The following ATXN8OS variants were observed in gnomAD, a reference collection of about 807,000 sequenced individuals.
ATXN8OS encodes the protein ATXN8 opposite strand (non-protein coding).
chr13:70,146,870 T>C (rs9572384), intron 3 of ATXN8OS, among the ~76,000 whole-genome samples: 11,092 of 152,190 alleles, frequency 0.073, 529 homozygotes, highest in East Asian at 0.18. Context: ...CATATGTAAC[T>C]AACGTGCACA....
At chr13:70,157,833 G>T (rs2137502938) in intron 4 of ATXN8OS, among the ~76,000 whole-genome samples, 1 of 152,238 alleles carries the variant, frequency 6.6e-6, no homozygotes, top group Non-Finnish European at 1.5e-5. Context: ...GATCCTGAAA[G>T]AAAGCCTACA....
At chr13:70,139,439 A>G in intron 3 of ATXN8OS, 5 of 675,050 alleles carry the variant, frequency 7.4e-6, no homozygotes, top group Non-Finnish European at 1.2e-5. Flanking sequence ...CATTTTTTAA[A>G]AATATATTAT....
chr13:70,128,310 C>T (rs1318408876), intron 2 of ATXN8OS, among the ~76,000 whole-genome samples: 1 of 152,074 alleles, frequency 6.6e-6, no homozygotes, highest in Admixed American at 6.5e-5. Flanking sequence ...TTCTTTTTAA[C>T]ACAGTTGGAT....
exon 5 of ATXN8OS, among the ~76,000 whole-genome samples, chr13:70,170,191 C>A (rs547326542): frequency 2.6e-4 from 40 of 151,988 alleles, no homozygotes; most frequent in Non-Finnish European, 8.8e-5. Flanking sequence ...CCTCTTTGGC[C>A]ATTTATCCTT....
At chr13:70,118,702 TA>T (rs1888316891) in intron 2 of ATXN8OS, among the ~76,000 whole-genome samples, 1 of 152,154 alleles carries the variant, frequency 6.6e-6, no homozygotes, top group South Asian at 2.1e-4. Flanking sequence ...ATTTGTATTA[TA>T]AAATAGACTT....
At chr13:70,131,596 C>T (rs1435480047) in intron 3 of ATXN8OS, 1 of 397,592 alleles carries the variant, frequency 2.5e-6, no homozygotes. Context: ...TTACCACTTC[C>T]CTCAGTTCAG....
At chr13:70,166,181 G>T (rs1435516983) in intron 4 of ATXN8OS, among the ~76,000 whole-genome samples, 1 of 151,828 alleles carries the variant, frequency 6.6e-6, no homozygotes, top group African/African-American at 2.4e-5. Flanking sequence ...AGTTCATATG[G>T]AACCAAAAAA....
chr13:70,119,181 C>CT (rs985632842), intron 2 of ATXN8OS, among the ~76,000 whole-genome samples: 2 of 151,992 alleles, frequency 1.3e-5, no homozygotes, highest in African/African-American at 4.8e-5. Flanking sequence ...ATACATACAG[C>CT]TTATGCATCA....
chr13:70,143,432 T>C (rs1457068577), intron 3 of ATXN8OS, among the ~76,000 whole-genome samples: 3 of 152,238 alleles, frequency 2.0e-5, no homozygotes, highest in South Asian at 2.1e-4. Context: ...TAGTTCCTTA[T>C]TATAAACCGA....
At chr13:70,126,735 G>T (rs1202832883) in intron 2 of ATXN8OS, among the ~76,000 whole-genome samples, 1 of 151,166 alleles carries the variant, frequency 6.6e-6, no homozygotes, top group Admixed American at 6.6e-5. Flanking sequence ...TCTATAAATA[G>T]ACATCTATAA....
exon 5 of ATXN8OS, among the ~76,000 whole-genome samples, chr13:70,171,652 C>G (rs930526400): frequency 1.3e-5 from 2 of 151,992 alleles, no homozygotes; most frequent in African/African-American, 4.8e-5. Context: ...GTGATGTGAA[C>G]GATGACTGTA....
intron 2 of ATXN8OS, among the ~76,000 whole-genome samples, chr13:70,120,894 G>A (rs552828705): frequency 6.7e-6 from 1 of 150,340 alleles, no homozygotes; most frequent in South Asian, 2.2e-4. Context: ...ACGCAGGAAG[G>A]GGAACATCAC....
chr13:70,167,467 A>T (rs1889089577), intron 4 of ATXN8OS, among the ~76,000 whole-genome samples: 1 of 151,994 alleles, frequency 6.6e-6, no homozygotes, highest in South Asian at 2.1e-4. Context: ...CAATGAGAAC[A>T]CATGGACACA....
intron 1 of ATXN8OS, among the ~76,000 whole-genome samples, chr13:70,111,227 A>T (rs917561994): frequency 6.6e-6 from 1 of 152,234 alleles, no homozygotes; most frequent in Non-Finnish European, 1.5e-5. Flanking sequence ...CAACTCAAAT[A>T]TTTAAACAAT....
Position 70,139,274 on chromosome 13 carries a change from G to T in ATXN8OS, n.500-8081G>T, listed in dbSNP as rs538196903. 8.0e-4 allele frequency: 396 copies of T among 496,020 alleles called. 3 individuals carry two copies. The highest frequency in any genetic ancestry group is 3.2e-4 in the Non-Finnish European group (90 of 281,142). 30.7% of individuals were successfully genotyped at this position (496,020 alleles called of 1,614,324 possible). A position where few individuals can be genotyped will look rare whatever the true frequency, so the allele number is the denominator to read the frequency against. ...TTCTGACTCCCAGCTTCCACGGAGA[G>T]ATTAACTCTGTTGGCTGAAGCCCTA... On this transcript the variant is annotated intron_variant and non_coding_transcript_variant, in intron 3 of 4. Transcript: ENST00000678624.
At chr13:70,155,733 C>G (rs1489566579) in intron 4 of ATXN8OS, among the ~76,000 whole-genome samples, 1 of 150,716 alleles carries the variant, frequency 6.6e-6, no homozygotes, top group Non-Finnish European at 1.5e-5. Context: ...GGTGGGTCAC[C>G]TCTTCAGTTT....
chr13:70,157,419 A>T (rs1468270774), intron 4 of ATXN8OS, among the ~76,000 whole-genome samples: 1 of 152,150 alleles, frequency 6.6e-6, no homozygotes, highest in Admixed American at 6.5e-5. Context: ...TTCAGCAAGG[A>T]TACATTGTTT....
intron 3 of ATXN8OS, among the ~76,000 whole-genome samples, chr13:70,136,706 T>C (rs1019599111): frequency 2.0e-5 from 3 of 152,180 alleles, no homozygotes; most frequent in Non-Finnish European, 2.9e-5. Context: ...ACAGTTCTTT[T>C]GAGTGCTTCT....
chr13:70,110,381 C>T (rs1252305709), intron 1 of ATXN8OS, among the ~76,000 whole-genome samples: 1 of 151,640 alleles, frequency 6.6e-6, no homozygotes, highest in African/African-American at 2.4e-5. Flanking sequence ...GAAAATATTT[C>T]GAATTTAAGA....
Sources: allele counts gnomAD v4.1 joint callset (sites outside exome capture counted in the v4.1 genomes callset), GRCh38; gene constraint gnomAD v4.1.1; transcripts MANE v1.5; gene names NCBI Gene and HGNC (gene_info 2026-07-23, HGNC 2026-07-21).